The following NINJ2 variants were observed in gnomAD, a reference collection of about 807,000 sequenced individuals.
NINJ2 encodes the protein ninjurin 2, also known as ninjurin-2.
Under a neutral mutation model 11.7 loss-of-function variants are expected in NINJ2, and 12 were observed. That is an observed-to-expected ratio of 1.02 (90% CI 0.66 to 1.66). The LOEUF (loss-of-function observed/expected upper bound fraction) is 1.66. NINJ2 is among the 40% of genes most tolerant of loss of function. The pLI, the probability that NINJ2 is intolerant of heterozygous loss-of-function variation, is 0.00. For missense variants in NINJ2, 187 were observed against 181.8 expected (o/e 1.03, Z -0.16); for synonymous variants, 93 against 76.8 (o/e 1.21, Z -1.10).
At chr12:648,996 G>GTCTATCTATCTATCTA (rs4017978) in intron 1 of NINJ2, among the ~76,000 whole-genome samples, 1,926 of 148,990 alleles carry the variant, frequency 0.013, 35 homozygotes, top group African/African-American at 0.035. Flanking sequence ...CTATCTATCT[G>GTCTATCTATCTATCTA]TCTATCTATC....
At chr12:631,913 C>A (rs1214159940) in intron 1 of NINJ2, among the ~76,000 whole-genome samples, 1 of 152,144 alleles carries the variant, frequency 6.6e-6, no homozygotes, top group Non-Finnish European at 1.5e-5. Flanking sequence ...AGGGGCTGAG[C>A]TTCCTGCATG....
At chr12:647,325 C>T (rs865805212) in intron 1 of NINJ2, among the ~76,000 whole-genome samples, 3 of 152,224 alleles carry the variant, frequency 2.0e-5, no homozygotes, top group Admixed American at 6.5e-5. Context: ...CTGTCAAACA[C>T]GTCTCTTTCC....
intron 1 of NINJ2, among the ~76,000 whole-genome samples, chr12:578,524 C>G (rs1434018751): frequency 1.3e-5 from 2 of 152,120 alleles, no homozygotes; most frequent in Non-Finnish European, 2.9e-5. Context: ...CGCTATGTTG[C>G]CCAGGCTGGT....
rs201652661 is a variant in NINJ2, at chr12:633,203, T to TA, written c.33+30124dup. On this transcript the variant is annotated intron_variant, in intron 1 of 3. Coordinates refer to ENST00000305108, the MANE Select transcript of NINJ2 (RefSeq NM_016533.6). This position sits in a 1 kb window ranked among gnomAD's most constrained non-coding sequence, Gnocchi z 4.3. The stretch of plus-strand genomic sequence containing the variant: ...CTAAAACTGTGCCCCACTCCTCCAT[T>TA]AAAAAAAAACAAGGCCGGGCGCGGT... Among the ~76,000 whole-genome samples the TA allele has an allele frequency of 2.9e-3, 430 of 149,864 alleles. 3 individuals carry two copies. The highest frequency in any genetic ancestry group is 9.6e-3 in the African/African-American group (393 of 40,962).
Position 585,153 on chromosome 12 carries a change from C to T in NINJ2, c.34-18975G>A, listed in dbSNP as rs1413084930. ...ATAAATAAAAGCAAATCCTTCTTTT[C>T]GCTAAGGCTGCATTTCCACCGCCAT... On this transcript the variant is annotated intron_variant, in intron 1 of 3. Transcript: ENST00000305108. The surrounding 1 kb of genome is among the most constrained non-coding windows in gnomAD (Gnocchi z 4.1). Among the ~76,000 whole-genome samples, 2 of 152,192 alleles carry T rather than the reference C, an allele frequency of 1.3e-5. No individual in the cohort carries two copies. Among genetic ancestry groups the T allele is most frequent in the African/African-American group, 2.4e-5 (1 of 41,458 alleles).
chr12:626,347 A>G (rs1328318612), intron 1 of NINJ2, among the ~76,000 whole-genome samples: 2 of 152,240 alleles, frequency 1.3e-5, no homozygotes, highest in Non-Finnish European at 2.9e-5. Flanking sequence ...GTGAGGAGGT[A>G]GTGGGAGCTA....
chr12:634,551 G>A (rs1481697988), intron 1 of NINJ2, among the ~76,000 whole-genome samples: 2 of 151,694 alleles, frequency 1.3e-5, no homozygotes, highest in East Asian at 1.9e-4. Context: ...GGGCCACCGC[G>A]CCCGGCCTAG....
chr12:650,884 T>A (rs1212456968), intron 1 of NINJ2, among the ~76,000 whole-genome samples: 1 of 151,122 alleles, frequency 6.6e-6, no homozygotes, highest in Non-Finnish European at 1.5e-5. Context: ...TCCAAAAGAG[T>A]GGGAAAGACA....
chr12:572,543 C>T (rs1263201597), intron 1 of NINJ2, among the ~76,000 whole-genome samples: 1 of 152,242 alleles, frequency 6.6e-6, no homozygotes, highest in Admixed American at 6.5e-5. Flanking sequence ...AATTCGGTAT[C>T]AGTCCTCTTG....
chr12:647,004 T>C (rs372615377), intron 1 of NINJ2, among the ~76,000 whole-genome samples: 47 of 152,298 alleles, frequency 3.1e-4, no homozygotes, highest in South Asian at 2.7e-3. Context: ...TTGGAGGTGA[T>C]GCTGCAGACT....
chr12:594,856 G>A (rs1353941143), intron 1 of NINJ2, among the ~76,000 whole-genome samples: 1 of 152,108 alleles, frequency 6.6e-6, no homozygotes, highest in East Asian at 1.9e-4. Context: ...AGAGGCAAAA[G>A]ATGTAGAATA....
chr12:577,348 A>G (rs1195082195), intron 1 of NINJ2, among the ~76,000 whole-genome samples: 2 of 148,522 alleles, frequency 1.3e-5, no homozygotes, highest in Non-Finnish European at 3.0e-5. Flanking sequence ...TTGACTTACA[A>G]TATTTTCAAC....
At chr12:608,816 G>T (rs1278847514) in intron 1 of NINJ2, among the ~76,000 whole-genome samples, 1 of 152,244 alleles carries the variant, frequency 6.6e-6, no homozygotes, top group African/African-American at 2.4e-5. Context: ...GGACACTGAT[G>T]CTGACTGAAT....
At chr12:637,810 G>A (rs546514277) in intron 1 of NINJ2, among the ~76,000 whole-genome samples, 10 of 152,216 alleles carry the variant, frequency 6.6e-5, no homozygotes, top group East Asian at 5.8e-4. Context: ...TAGTGCTTAC[G>A]GGTGGGGTAA....
chr12:594,597 G>A (rs575802603), intron 1 of NINJ2, among the ~76,000 whole-genome samples: 1 of 151,914 alleles, frequency 6.6e-6, no homozygotes, highest in South Asian at 2.1e-4. Flanking sequence ...CAACCACCCT[G>A]GGCAATATAG....
At chr12:621,650 C>T (rs1358368870) in intron 1 of NINJ2, among the ~76,000 whole-genome samples, 1 of 151,204 alleles carries the variant, frequency 6.6e-6, no homozygotes, top group Non-Finnish European at 1.5e-5. Context: ...AACCCCATCT[C>T]TACTAAAAAT....
chr12:586,449 C>T (rs1157171141), intron 1 of NINJ2: 1 of 152,298 alleles, frequency 6.6e-6, no homozygotes, highest in East Asian at 1.9e-4. Flanking sequence ...GTCAACAAGA[C>T]CAGAGGCTGC....
chr12:610,499 C>T, intron 1 of NINJ2: 2 of 1,518,482 alleles, frequency 1.3e-6, no homozygotes, highest in Non-Finnish European at 1.8e-6. Context: ...CTTCTGCCCC[C>T]GTGGGTCCCC....
intron 1 of NINJ2, among the ~76,000 whole-genome samples, chr12:588,195 GGAGGGGAC>G (rs1565625980): frequency 1.3e-4 from 9 of 70,224 alleles, no homozygotes; most frequent in East Asian, 3.7e-4. Flanking sequence ...CGGAAGGGAC[GGAGGGGAC>G]GGAAGGGACG....
Sources: gnomAD v4.1 joint callset for allele counts (sites outside exome capture counted in the v4.1 genomes callset) on GRCh38, gnomAD v4.1.1 for gene constraint, Gnocchi (gnomAD v3.1) non-coding constraint, MANE v1.5 for transcripts, NCBI Gene and HGNC (gene_info 2026-07-23, HGNC 2026-07-21) for gene names.